The following SPARC variants were observed in gnomAD, a reference collection of about 807,000 sequenced individuals.
SPARC encodes the protein basement-membrane protein 40.
SPARC carries 23 observed loss-of-function variants against 37.7 expected under a neutral mutation model. That is an observed-to-expected ratio of 0.61 (90% confidence interval 0.44 to 0.87). The LOEUF (loss-of-function observed/expected upper bound fraction) is 0.87, where lower values mean the gene tolerates loss of function less well. SPARC is among the 40% of genes least tolerant of loss of function. SPARC has a pLI of 0.00. For synonymous variants in SPARC, 155 were observed against 150.8 expected (o/e 1.03, Z -0.20); for missense variants, 312 against 389.0 (o/e 0.80, Z 1.66).
chr5:151,669,915 G>A, intron 5 of SPARC, 131 bp from the exon 6 acceptor site: 1 of 1,276,856 alleles, frequency 7.8e-7, no homozygotes, highest in Non-Finnish European at 1.1e-6. Flanking sequence ...AGGTCATATA[G>A]TGAGTTAGTG....
chr5:151,673,786 T>A (rs1449209817), intron 3 of SPARC, among the ~76,000 whole-genome samples: 1 of 152,192 alleles, frequency 6.6e-6, no homozygotes. Flanking sequence ...CTAAAATGTA[T>A]GAAAGCAAAC....
intron 2 of SPARC, 64 bp downstream of exon 2, chr5:151,676,068 G>A: frequency 7.2e-7 from 1 of 1,384,974 alleles, no homozygotes; most frequent in Non-Finnish European, 1.0e-6. Context: ...GGGCTGGCAG[G>A]CTCAGAACCC....
chr5:151,685,664 C>T (rs1199150716), intron 1 of SPARC, among the ~76,000 whole-genome samples: 5 of 152,146 alleles, frequency 3.3e-5, no homozygotes, highest in African/African-American at 9.7e-5. Context: ...AATGCATGCC[C>T]GAAGCCTGTG....
At chr5:151,678,976 C>T (rs1406439242) in intron 1 of SPARC, 1 of 152,202 alleles carries the variant, frequency 6.6e-6, no homozygotes, top group Non-Finnish European at 1.5e-5. Context: ...CTACCACTGA[C>T]CAAAGAGCCC....
chr5:151,666,226 T>C (rs1308794050), intron 8 of SPARC, 135 bp downstream of exon 8: 3 of 804,002 alleles, frequency 3.7e-6, no homozygotes, highest in Non-Finnish European at 5.7e-6. Flanking sequence ...AGATGCCTCA[T>C]CCTTCTGCTC....
intron 4 of SPARC, 119 bp from the exon 5 acceptor site, chr5:151,671,813 G>A: frequency 7.3e-7 from 1 of 1,368,926 alleles, no homozygotes; most frequent in East Asian, 2.5e-5. Context: ...CTGGGCTTTG[G>A]ACAGCCCTGA....
intron 1 of SPARC, among the ~76,000 whole-genome samples, chr5:151,678,132 A>G (rs981528637): frequency 1.3e-5 from 2 of 152,254 alleles, no homozygotes; most frequent in African/African-American, 4.8e-5. Context: ...AATAGCAGCT[A>G]AAACAAAACA....
At chr5:151,677,212 T>C (rs1018063109) in intron 1 of SPARC, among the ~76,000 whole-genome samples, 3 of 152,212 alleles carry the variant, frequency 2.0e-5, no homozygotes, top group Non-Finnish European at 2.9e-5. Context: ...ACTAACTAAA[T>C]GGCTTTTCAT....
chr5:151,676,325 G>C, intron 1 of SPARC, 124 bp from the exon 2 acceptor site: 2 of 657,822 alleles, frequency 3.0e-6, no homozygotes, highest in South Asian at 1.9e-5. Flanking sequence ...TGAAAAACAT[G>C]AGGAGGTTGG....
chr5:151,667,741 C>T, intron 6 of SPARC, 141 bp from the exon 7 acceptor site: 1 of 865,168 alleles, frequency 1.2e-6, no homozygotes, highest in Non-Finnish European at 1.8e-6. Context: ...AGTTTCTTCA[C>T]AGGACAATGA....
At position 151,676,174 on chromosome 5, in the gene SPARC, G is replaced by A. The variant is rs1455937449; in HGVS notation, c.15C>T (p.Ile5=). The change falls in exon 2 of 10, where the codon ATC becomes ATT. Residue 5 remains isoleucine (I), a synonymous_variant. Transcript: ENST00000231061. MRAW[I]FFLLCLAGRA... Reference sequence around the variant, plus strand: ...TCCCGGCCAGGCAAAGGAGAAAGAAGATCCAGGCCCTCATGGTGCTGGGAA... The same window carrying A: ...TCCCGGCCAGGCAAAGGAGAAAGAAAATCCAGGCCCTCATGGTGCTGGGAA... The A allele has an allele frequency of 1.2e-6, 2 of 1,612,076 alleles. No individual in the cohort carries two copies. Among genetic ancestry groups the A allele is most frequent in the Non-Finnish European group, 1.7e-6 (2 of 1,179,348 alleles).
chr5:151,674,535 A>C, intron 3 of SPARC, 77 bp downstream of exon 3: 1 of 1,389,900 alleles, frequency 7.2e-7, no homozygotes, highest in Non-Finnish European at 1.0e-6. Flanking sequence ...ATTGAGACCC[A>C]CAGCATCCGC....
chr5:151,678,260 A>G (rs1760906175), intron 1 of SPARC, among the ~76,000 whole-genome samples: 3 of 152,178 alleles, frequency 2.0e-5, no homozygotes, highest in African/African-American at 7.2e-5. Flanking sequence ...GAAGACAGAC[A>G]TTTCCCTGAG....
At chr5:151,673,932 C>T (rs138968944) in intron 3 of SPARC, among the ~76,000 whole-genome samples, 56 of 151,910 alleles carry the variant, frequency 3.7e-4, no homozygotes, top group African/African-American at 1.3e-3. Flanking sequence ...AGCCTCCACC[C>T]CTGCCAGCCA....
rs1760648479 is a variant in SPARC at position 151,667,430 on chromosome 5, C to G, written c.585+37G>C. The G allele has an allele frequency of 1.9e-6, 3 of 1,613,538 alleles. No homozygotes were observed. In the African/African-American group the frequency reaches 4.0e-5, roughly 22 times the overall value. On this transcript the variant is annotated intron_variant, in intron 7 of 9. Transcript: ENST00000231061. Reference sequence around the variant, plus strand: ...TTCTAGGAATGGGACTGGATCTTCACCAGCACGGGGCCAGCAAGGCCAGAG... The same window carrying G: ...TTCTAGGAATGGGACTGGATCTTCAGCAGCACGGGGCCAGCAAGGCCAGAG...
intron 7 of SPARC, among the ~76,000 whole-genome samples, chr5:151,667,159 T>C (rs1760642026): frequency 1.3e-5 from 2 of 152,224 alleles, no homozygotes; most frequent in African/African-American, 4.8e-5. Context: ...TTGGGGTAGT[T>C]AATATGCTCA....
chr5:151,673,329 G>C, intron 3 of SPARC, 113 bp from the exon 4 acceptor site: 1 of 781,320 alleles, frequency 1.3e-6, no homozygotes, highest in Non-Finnish European at 2.3e-6. Flanking sequence ...TGGGAATCCA[G>C]ATTTAATCTA....
At chr5:151,676,072 A>G (rs930585544) in intron 2 of SPARC, 60 bp downstream of exon 2, 2 of 1,424,840 alleles carry the variant, frequency 1.4e-6, no homozygotes, top group Admixed American at 3.7e-5. Context: ...TGGCAGGCTC[A>G]GAACCCCTGG....
intron 5 of SPARC, among the ~76,000 whole-genome samples, chr5:151,670,797 T>G (rs143743909): frequency 6.6e-6 from 1 of 152,232 alleles, no homozygotes; most frequent in Non-Finnish European, 1.5e-5. Context: ...CACTGGTGAC[T>G]GGGCACTGGG....
Sources: gnomAD v4.1 joint callset for allele counts (sites outside exome capture counted in the v4.1 genomes callset) on GRCh38, gnomAD v4.1.1 for gene constraint, MANE v1.5 for transcripts, NCBI Gene and HGNC (gene_info 2026-07-23, HGNC 2026-07-21) for gene names.